The following MAPK9 variants were observed in gnomAD, a reference collection of about 807,000 sequenced individuals.
MAPK9 encodes mitogen-activated protein kinase 9, also known as Jun kinase.
MAPK9 carries 30 observed loss-of-function variants against 57.1 expected under a neutral mutation model. That is an observed-to-expected ratio of 0.53 (90% CI 0.39 to 0.71). MAPK9 has a LOEUF of 0.71. Ranked by LOEUF, MAPK9 falls within the 30% of genes least tolerant of loss-of-function variation. MAPK9 has a pLI of 0.00. For synonymous variants in MAPK9, 155 were observed against 177.0 expected, an observed-to-expected ratio of 0.88 and a Z score of 0.99; for missense variants, 362 against 521.0, an observed-to-expected ratio of 0.69 and a Z score of 2.97.
chr5:180,283,872 T>C (rs992345098), intron 1 of MAPK9, among the ~76,000 whole-genome samples: 3 of 152,102 alleles, frequency 2.0e-5, no homozygotes, highest in East Asian at 1.9e-4. Flanking sequence ...GAGGTGGAGA[T>C]TGCAGTGAGC....
At chr5:180,279,779 CAT>C (rs1164875683) in intron 2 of MAPK9, 1 of 454,362 alleles carries the variant, frequency 2.2e-6, no homozygotes, top group Admixed American at 2.4e-5. Context: ...GTCTAGGAAA[CAT>C]GTGAAGAGCT....
At chr5:180,282,090 C>T (rs902156244) in intron 1 of MAPK9, among the ~76,000 whole-genome samples, 5 of 152,306 alleles carry the variant, frequency 3.3e-5, no homozygotes, top group African/African-American at 1.2e-4. Context: ...CGAGGCAGGT[C>T]TGTCTTGCTC....
chr5:180,255,072 G>A (rs1390773998), intron 5 of MAPK9, among the ~76,000 whole-genome samples: 3 of 152,260 alleles, frequency 2.0e-5, no homozygotes, highest in Middle Eastern at 3.4e-3. Flanking sequence ...CCGGAGCCAT[G>A]CTAGATGCCT....
chr5:180,261,856 A>G, intron 4 of MAPK9, 34 bp from the exon 5 acceptor site: 2 of 1,574,040 alleles, frequency 1.3e-6, no homozygotes, highest in Non-Finnish European at 8.6e-7. Context: ...TTATTTGAAA[A>G]TTATCCAAAG....
chr5:180,291,965 T>TCCGCC lies in MAPK9; in HGVS notation c.-170_-166dup, dbSNP rs1364935779. 2.5e-5 allele frequency: 3 copies of TCCGCC among 118,282 alleles called. No individual in the cohort carries two copies. Among genetic ancestry groups the TCCGCC allele is most frequent in the Non-Finnish European group, 4.9e-5 (3 of 61,778 alleles). The allele number at this position is 118,282 out of a possible 1,614,324, so 7.3% of individuals were successfully genotyped here. On this transcript the variant is annotated 5_prime_UTR_variant, in exon 1 of 12. Coordinates refer to ENST00000452135, the MANE Select transcript of MAPK9 (RefSeq NM_002752.5). The stretch of plus-strand genomic sequence containing the variant: ...CCGCCGCCGGCCCGCCCCGCTCCGC[T>TCCGCC]CCGCCCCGCCGCCGCCGCCGCCGCC...
chr5:180,287,841 CTGTA>C (rs1762905032), intron 1 of MAPK9, among the ~76,000 whole-genome samples: 1 of 152,168 alleles, frequency 6.6e-6, no homozygotes, highest in Non-Finnish European at 1.5e-5. Flanking sequence ...CACTTCTACT[CTGTA>C]AGGGCAGAAA....
chr5:180,271,715 G>A (rs745511382), intron 2 of MAPK9, among the ~76,000 whole-genome samples: 5 of 152,118 alleles, frequency 3.3e-5, no homozygotes, highest in Non-Finnish European at 7.3e-5. Flanking sequence ...GCCAGAGTTG[G>A]GATTACATTT....
chr5:180,285,806 C>T (rs1191544443), intron 1 of MAPK9, among the ~76,000 whole-genome samples: 5 of 151,278 alleles, frequency 3.3e-5, no homozygotes, highest in South Asian at 2.1e-4. Flanking sequence ...TGGCCGGGTG[C>T]GGTGGCTCAC....
intron 1 of MAPK9, among the ~76,000 whole-genome samples, chr5:180,291,581 C>T (rs1360486672): frequency 6.6e-6 from 1 of 152,086 alleles, no homozygotes; most frequent in Non-Finnish European, 1.5e-5. Context: ...GTCTGCCCCA[C>T]CTCCGGGAGG....
intron 3 of MAPK9, among the ~76,000 whole-genome samples, chr5:180,266,921 A>G (rs972839303): frequency 5.1e-4 from 78 of 152,350 alleles, no homozygotes; most frequent in African/African-American, 1.9e-3. Flanking sequence ...AGCACTGCTT[A>G]TAACAGTGAG....
At chr5:180,265,292 G>A (rs1358287007) in intron 3 of MAPK9, among the ~76,000 whole-genome samples, 1 of 152,120 alleles carries the variant, frequency 6.6e-6, no homozygotes, top group Non-Finnish European at 1.5e-5. Context: ...CTGATCCTGC[G>A]GCAGGCCTCC....
rs1757168925 is a variant in MAPK9, at chr5:180,236,338, A to C, written c.*46T>G. 6.4e-7 allele frequency: 1 copy of C among 1,558,272 alleles called. No individual in the cohort carries two copies. Among genetic ancestry groups the C allele is most frequent in the Non-Finnish European group, 8.7e-7 (1 of 1,145,536 alleles). ...ACTCCCAAGCATTTCAGGCCCACGGAGGTGAGAGTTCCTTCAATGCTGACA... is the reference window on the plus strand; with the variant it reads ...ACTCCCAAGCATTTCAGGCCCACGGCGGTGAGAGTTCCTTCAATGCTGACA... On this transcript the variant is annotated 3_prime_UTR_variant, in exon 12 of 12. Transcript: ENST00000452135.
chr5:180,272,492 C>T (rs1761429491), intron 2 of MAPK9, among the ~76,000 whole-genome samples: 1 of 152,180 alleles, frequency 6.6e-6, no homozygotes, highest in African/African-American at 2.4e-5. Flanking sequence ...TTCTCACACC[C>T]CCAACTAATT....
chr5:180,280,402 A>C, intron 2 of MAPK9, 38 bp downstream of exon 2: 1 of 1,588,020 alleles, frequency 6.3e-7, no homozygotes, highest in Non-Finnish European at 8.5e-7. Context: ...TATTACAGCA[A>C]AAACTCAATC....
intron 5 of MAPK9, among the ~76,000 whole-genome samples, chr5:180,250,315 C>T (rs549629646): frequency 2.0e-5 from 3 of 152,312 alleles, no homozygotes; most frequent in Admixed American, 2.0e-4. Flanking sequence ...TGATCCTCCA[C>T]CCTAGCCCCT....
Position 180,236,107 on chromosome 5 carries a change from A to T in MAPK9, c.*277T>A, listed in dbSNP as rs1757154443. 1 of 259,238 alleles carries T rather than the reference A, an allele frequency of 3.9e-6. No individual in the cohort carries two copies. Among genetic ancestry groups the T allele is most frequent in the Non-Finnish European group, 7.3e-6 (1 of 136,418 alleles). The allele number at this position is 259,238 out of a possible 1,614,324, so 16.1% of individuals were successfully genotyped here. On this transcript the variant is annotated 3_prime_UTR_variant, in exon 12 of 12. Transcript: ENST00000452135. Reference sequence around the variant, plus strand: ...CAGATGATGAGAAACTGTCACTAGTACAATTTGAAACAAATTCACCTACTC... The same window carrying T: ...CAGATGATGAGAAACTGTCACTAGTTCAATTTGAAACAAATTCACCTACTC...
At chr5:180,245,807 G>C (rs548676269) in intron 7 of MAPK9, among the ~76,000 whole-genome samples, 2 of 152,290 alleles carry the variant, frequency 1.3e-5, no homozygotes, top group East Asian at 3.9e-4. Context: ...CGCAGGGACA[G>C]GAGTTCCTTT....
At chr5:180,256,721 C>T (rs1759331018) in intron 5 of MAPK9, among the ~76,000 whole-genome samples, 1 of 152,176 alleles carries the variant, frequency 6.6e-6, no homozygotes, top group Non-Finnish European at 1.5e-5. Flanking sequence ...ACTCAGGCTG[C>T]AGGCACCGGC....
chr5:180,282,529 G>C lies in MAPK9; in HGVS notation c.-47-1921C>G, dbSNP rs753952827. Among the ~76,000 whole-genome samples, 33 of 152,242 alleles carry C rather than the reference G, an allele frequency of 2.2e-4. 1 individual carries two copies. The highest frequency in any genetic ancestry group is 4.3e-4 in the Non-Finnish European group (29 of 68,052). On this transcript the variant is annotated intron_variant, in intron 1 of 11. Coordinates refer to ENST00000452135, the MANE Select transcript of MAPK9 (RefSeq NM_002752.5). ...GGGCAGAAGACAAGGACGGCTTCAA[G>C]GAGGAGGCGGCATCCGCCCTCAGAC...
Sources: gnomAD v4.1 joint callset for allele counts (sites outside exome capture counted in the v4.1 genomes callset) on GRCh38, gnomAD v4.1.1 for gene constraint, MANE v1.5 for transcripts, NCBI Gene and HGNC (gene_info 2026-07-23, HGNC 2026-07-21) for gene names.